Variants in FHIT observed in about 807,000 individuals in gnomAD.
FHIT encodes the protein fragile histidine triad diadenosine triphosphatase.
FHIT carries 19 observed loss-of-function variants against 17.9 expected under a neutral mutation model. That is an observed-to-expected ratio of 1.06 (90% CI 0.74 to 1.56). The LOEUF (loss-of-function observed/expected upper bound fraction) is 1.56. Ranked by LOEUF, FHIT falls within the 40% of genes most tolerant of loss-of-function variation. The probability of loss-of-function intolerance (pLI) is 0.00; values close to 1 mark genes in which losing one functional copy is unlikely to be tolerated. For missense variants in FHIT, 248 were observed against 189.2 expected (o/e 1.31, Z -1.82); for synonymous variants, 81 against 69.7 (o/e 1.16, Z -0.81).
intron 7 of FHIT, among the ~76,000 whole-genome samples, chr3:59,994,418 C>A (rs550983628): frequency 1.3e-5 from 2 of 152,150 alleles, no homozygotes; most frequent in South Asian, 4.1e-4. Context: ...GTTCTCTTGA[C>A]ACCATTTCTG....
chr3:60,538,051 T>C (rs999057354), intron 4 of FHIT, among the ~76,000 whole-genome samples: 45 of 152,322 alleles, frequency 3.0e-4, no homozygotes, highest in African/African-American at 1.1e-3. Context: ...TTTTGTATGC[T>C]AATGATTGAC....
intron 5 of FHIT, among the ~76,000 whole-genome samples, chr3:60,412,445 A>T (rs368302771): frequency 6.6e-6 from 1 of 152,046 alleles, no homozygotes; most frequent in South Asian, 2.1e-4. Flanking sequence ...GCCAGGATTT[A>T]AATTTTATTT....
At chr3:60,180,356 T>C (rs1026895188) in intron 5 of FHIT, among the ~76,000 whole-genome samples, 2 of 152,180 alleles carry the variant, frequency 1.3e-5, no homozygotes, top group Middle Eastern at 3.2e-3. Flanking sequence ...AACAGCATCA[T>C]TAAAACATAA....
intron 8 of FHIT, among the ~76,000 whole-genome samples, chr3:59,890,854 A>G (rs371505439): frequency 3.9e-5 from 6 of 152,168 alleles, no homozygotes; most frequent in African/African-American, 7.2e-5. Context: ...GCATTTTTCA[A>G]TGTTACTTGC....
chr3:60,425,809 GAAGTA>G (rs144918640), intron 5 of FHIT, among the ~76,000 whole-genome samples: 140,996 of 151,820 alleles, frequency 0.93, 65,868 homozygotes, highest in South Asian at 0.98. Context: ...AGGAAATGAG[GAAGTA>G]AAGTAAATGA....
chr3:60,646,625 T>G (rs1243062426), intron 4 of FHIT, among the ~76,000 whole-genome samples: 2 of 152,194 alleles, frequency 1.3e-5, no homozygotes, highest in Non-Finnish European at 2.9e-5. Flanking sequence ...CTGATTTTCT[T>G]TTGTGGGGGA....
chr3:60,844,398 A>G (rs1213585747), intron 3 of FHIT, among the ~76,000 whole-genome samples: 1 of 152,072 alleles, frequency 6.6e-6, no homozygotes, highest in South Asian at 2.1e-4. Context: ...AAAACCCTAC[A>G]CACATAAACC....
intron 5 of FHIT, among the ~76,000 whole-genome samples, chr3:60,229,348 C>T (rs927271175): frequency 1.3e-5 from 2 of 149,766 alleles, no homozygotes; most frequent in African/African-American, 4.9e-5. Context: ...ACCAGGGAGG[C>T]GGAGGTTGCA....
At chr3:61,088,869 G>A (rs1006555424) in intron 2 of FHIT, among the ~76,000 whole-genome samples, 3 of 152,076 alleles carry the variant, frequency 2.0e-5, no homozygotes, top group Non-Finnish European at 1.5e-5. Context: ...GTATGGCTGC[G>A]CTGGAAAAAA....
intron 4 of FHIT, among the ~76,000 whole-genome samples, chr3:60,557,188 C>A (rs2036770225): frequency 6.6e-6 from 1 of 152,110 alleles, no homozygotes; most frequent in African/African-American, 2.4e-5. Context: ...AAAGAAAACA[C>A]TAAGAGTTTA....
intron 2 of FHIT, among the ~76,000 whole-genome samples, chr3:61,099,195 T>A (rs192831017): frequency 6.6e-6 from 1 of 152,346 alleles, no homozygotes; most frequent in Non-Finnish European, 1.5e-5. Flanking sequence ...TTTTTGTCTT[T>A]AGTTATGTTT....
chr3:61,077,260 A>G (rs7610484), intron 2 of FHIT, among the ~76,000 whole-genome samples: 106,566 of 151,922 alleles, frequency 0.7, 38,727 homozygotes, highest in African/African-American at 0.83. Flanking sequence ...GAATGTATGA[A>G]GTATATACTA....
At chr3:60,795,341 T>G (rs2108129675) in intron 4 of FHIT, among the ~76,000 whole-genome samples, 1 of 152,354 alleles carries the variant, frequency 6.6e-6, no homozygotes, top group African/African-American at 2.4e-5. Context: ...CTTCAGATTT[T>G]TCCGATGTTA....
At chr3:60,476,050 A>C (rs1188029661) in intron 5 of FHIT, among the ~76,000 whole-genome samples, 2 of 152,186 alleles carry the variant, frequency 1.3e-5, no homozygotes, top group East Asian at 3.9e-4. Flanking sequence ...TTTTATAGTA[A>C]CTGTGACCCC....
At chr3:60,234,507 G>C (rs1198150514) in intron 5 of FHIT, among the ~76,000 whole-genome samples, 2 of 152,118 alleles carry the variant, frequency 1.3e-5, no homozygotes, top group African/African-American at 2.4e-5. Flanking sequence ...TATATGTAAG[G>C]AATATGACAG....
intron 4 of FHIT, among the ~76,000 whole-genome samples, chr3:60,580,732 C>A (rs2037723006): frequency 6.6e-6 from 1 of 152,068 alleles, no homozygotes. Context: ...TTCTTCCTTA[C>A]AAAAGTTTCT....
chr3:60,029,370 T>C (rs1011542417), intron 5 of FHIT, among the ~76,000 whole-genome samples: 4 of 152,152 alleles, frequency 2.6e-5, no homozygotes, highest in Admixed American at 1.3e-4. Context: ...ATAAAACATA[T>C]AGGTAACAGG....
intron 3 of FHIT, among the ~76,000 whole-genome samples, chr3:60,907,452 A>G (rs1230708140): frequency 1.3e-5 from 2 of 152,228 alleles, no homozygotes; most frequent in African/African-American, 4.8e-5. Context: ...GTAATCCTTG[A>G]TTGTATTCTA....
intron 5 of FHIT, among the ~76,000 whole-genome samples, chr3:60,202,574 T>G (rs546204441): frequency 6.6e-6 from 1 of 152,294 alleles, no homozygotes; most frequent in South Asian, 2.1e-4. Flanking sequence ...GTGTAACTAA[T>G]TCTGGAAAAG....
Sources: allele counts gnomAD v4.1 joint callset (sites outside exome capture counted in the v4.1 genomes callset), GRCh38; gene constraint gnomAD v4.1.1; transcripts MANE v1.5; gene names NCBI Gene and HGNC (gene_info 2026-07-23, HGNC 2026-07-21).